DPH6: variants seen among roughly 807,000 people sequenced by gnomAD.
The protein encoded by DPH6 is diphthamine biosynthesis 6.
A neutral mutation model predicts 38.2 loss-of-function variants in DPH6; 33 were observed. The observed-to-expected ratio is 0.86, with a 90% confidence interval of 0.65 to 1.15. The LOEUF is 1.15. Ranked by LOEUF, DPH6 falls within the 50% of genes most tolerant of loss-of-function variation. DPH6 has a pLI of 0.00. For missense variants in DPH6, 325 were observed against 320.0 expected (o/e 1.02, Z -0.12); for synonymous variants, 108 against 103.0 (o/e 1.05, Z -0.30).
chr15:35,486,113 G>C (rs946007750), intron 3 of DPH6, among the ~76,000 whole-genome samples: 4 of 152,184 alleles, frequency 2.6e-5, no homozygotes, highest in African/African-American at 9.6e-5. Context: ...GAAAGCCTCA[G>C]GAAACTTACA....
chr15:35,403,205 C>A (rs1566896901), intron 6 of DPH6, among the ~76,000 whole-genome samples: 1 of 152,012 alleles, frequency 6.6e-6, no homozygotes, highest in African/African-American at 2.4e-5. Flanking sequence ...CACCATGGGG[C>A]AAGAAAGGTA....
At chr15:35,153,819 A>G in the DPH6 span, among the ~76,000 whole-genome samples, 1 of 152,172 alleles carries the variant, frequency 6.6e-6, no homozygotes, top group Non-Finnish European at 1.5e-5. Flanking sequence ...TCTGCAAATG[A>G]CATGAATGCT....
intron 3 of DPH6, among the ~76,000 whole-genome samples, chr15:35,256,266 C>CG (rs1595448815): frequency 6.6e-6 from 1 of 152,022 alleles, no homozygotes; most frequent in East Asian, 1.9e-4. Context: ...GGCCAGTTAC[C>CG]ATATTATTTA....
At chr15:35,245,348 C>A (rs1337470281) in intron 3 of DPH6, among the ~76,000 whole-genome samples, 4 of 149,062 alleles carry the variant, frequency 2.7e-5, no homozygotes, top group Non-Finnish European at 4.4e-5. Flanking sequence ...ACGCCATTCT[C>A]CTGCCTCAGC....
the DPH6 span, among the ~76,000 whole-genome samples, chr15:35,152,860 T>C: frequency 1.1e-3 from 165 of 152,264 alleles, 1 homozygote; most frequent in Non-Finnish European, 1.0e-4. Context: ...TTGTTGTACT[T>C]AGTGGGAGGA....
At chr15:35,337,668 T>A (rs545907680) in intron 3 of DPH6, among the ~76,000 whole-genome samples, 1 of 152,134 alleles carries the variant, frequency 6.6e-6, no homozygotes, top group Non-Finnish European at 1.5e-5. Context: ...CTTCACAGAA[T>A]TGGAAAAAAC....
chr15:35,540,669 T>C (rs2055239137), intron 2 of DPH6, among the ~76,000 whole-genome samples: 1 of 152,068 alleles, frequency 6.6e-6, no homozygotes, highest in Non-Finnish European at 1.5e-5. Context: ...TCACTAACAA[T>C]ATTCTAAATA....
chr15:35,419,967 C>T (rs62002909), intron 5 of DPH6, among the ~76,000 whole-genome samples: 46,587 of 151,968 alleles, frequency 0.31, 7,863 homozygotes, highest in African/African-American at 0.46. Context: ...ACATTCCTTT[C>T]GACAGCAACA....
At chr15:35,329,238 G>A (rs1454927626), downstream of DPH6, among the ~76,000 whole-genome samples, 1 of 152,148 alleles carries the variant, frequency 6.6e-6, no homozygotes, top group Admixed American at 6.6e-5. Context: ...TTAACACTCA[G>A]AATGTATTGA....
intron 3 of DPH6, among the ~76,000 whole-genome samples, chr15:35,250,788 G>A (rs1235991228): frequency 6.6e-6 from 1 of 152,080 alleles, no homozygotes; most frequent in Non-Finnish European, 1.5e-5. Context: ...AATATTAGAA[G>A]TGCTTTAGCA....
intron 5 of DPH6, among the ~76,000 whole-genome samples, chr15:35,412,327 GA>G (rs2053377300): frequency 6.6e-6 from 1 of 151,594 alleles, no homozygotes; most frequent in Non-Finnish European, 1.5e-5. Flanking sequence ...CCAAAATCTG[GA>G]GAACTTACAA....
intron 3 of DPH6, among the ~76,000 whole-genome samples, chr15:35,312,483 C>G (rs570865635): frequency 6.6e-6 from 1 of 152,126 alleles, no homozygotes; most frequent in Non-Finnish European, 1.5e-5. Flanking sequence ...CTGAGTATTA[C>G]GAAATCTGTA....
intron 3 of DPH6, among the ~76,000 whole-genome samples, chr15:35,337,750 C>T (rs780375839): frequency 1.1e-4 from 16 of 152,098 alleles, no homozygotes; most frequent in South Asian, 1.0e-3. Flanking sequence ...AAGAACAAAG[C>T]TGGAGGTATC....
At chr15:35,301,077 A>G (rs982946237) in intron 3 of DPH6, among the ~76,000 whole-genome samples, 1 of 152,238 alleles carries the variant, frequency 6.6e-6, no homozygotes, top group Non-Finnish European at 1.5e-5. Flanking sequence ...AATTATATGA[A>G]TCAAGAACCA....
At chr15:35,169,635 A>G in the DPH6 span, 1 of 152,144 alleles carries the variant, frequency 6.6e-6, no homozygotes, top group Non-Finnish European at 1.5e-5. Context: ...CTTACTATCC[A>G]TGAAGGAGGC....
intron 3 of DPH6, among the ~76,000 whole-genome samples, chr15:35,478,591 T>A (rs1035871373): frequency 3.9e-5 from 6 of 151,986 alleles, no homozygotes; most frequent in Non-Finnish European, 8.8e-5. Context: ...ATATCATTAA[T>A]CTGCACAGTT....
intron 3 of DPH6, among the ~76,000 whole-genome samples, chr15:35,499,914 C>G (rs2054604441): frequency 1.3e-5 from 2 of 152,138 alleles, no homozygotes; most frequent in Admixed American, 1.3e-4. Context: ...AGTACCATTC[C>G]CGTAACAACC....
intron 3 of DPH6, among the ~76,000 whole-genome samples, chr15:35,507,227 A>G (rs531755960): frequency 5.9e-5 from 9 of 152,240 alleles, no homozygotes; most frequent in Admixed American, 5.9e-4. Flanking sequence ...CTGAAAAAAG[A>G]AAACACACAA....
intron 3 of DPH6, among the ~76,000 whole-genome samples, chr15:35,305,160 C>G (rs149333167): frequency 6.6e-6 from 1 of 152,080 alleles, no homozygotes; most frequent in East Asian, 1.9e-4. Flanking sequence ...AACTTGTTGT[C>G]TCAAGTCAGG....
Sources: gnomAD v4.1 joint callset for allele counts (sites outside exome capture counted in the v4.1 genomes callset) on GRCh38, gnomAD v4.1.1 for gene constraint, MANE v1.5 for transcripts, NCBI Gene and HGNC (gene_info 2026-07-23, HGNC 2026-07-21) for gene names.